SPECC1L: variants seen among roughly 807,000 people sequenced by gnomAD.
SPECC1L encodes cytospin-A.
SPECC1L carries 40 observed loss-of-function variants against 116.8 expected under a neutral mutation model. That is an observed-to-expected ratio of 0.34 (90% CI 0.27 to 0.45). SPECC1L has a LOEUF of 0.45. SPECC1L is among the 20% of genes least tolerant of loss of function. The pLI is 1.00. For missense variants in SPECC1L, 1,110 were observed against 1,373.6 expected, an observed-to-expected ratio of 0.81 and a Z score of 3.03; for synonymous variants, 504 against 500.6, an observed-to-expected ratio of 1.01 and a Z score of -0.09.
intron 3 of SPECC1L, among the ~76,000 whole-genome samples, chr22:24,311,104 T>C (rs562703923): frequency 6.6e-6 from 1 of 152,328 alleles, no homozygotes; most frequent in East Asian, 1.9e-4. Flanking sequence ...TTCACTAGTT[T>C]ATTCTTGTTC....
intron 14 of SPECC1L, among the ~76,000 whole-genome samples, chr22:24,406,957 T>A (rs2042604031): frequency 6.6e-6 from 1 of 152,182 alleles, no homozygotes; most frequent in African/African-American, 2.4e-5. Flanking sequence ...CTTCCTCACT[T>A]CCCTGGAGGA....
chr22:24,318,951 A>G (rs1035468476), intron 4 of SPECC1L, among the ~76,000 whole-genome samples: 2 of 150,016 alleles, frequency 1.3e-5, no homozygotes, highest in Non-Finnish European at 3.0e-5. Context: ...ATCTTTTTCC[A>G]TTTTTGGCCT....
chr22:24,340,991 T>C (rs1316094886), intron 10 of SPECC1L, among the ~76,000 whole-genome samples: 1 of 152,148 alleles, frequency 6.6e-6, no homozygotes, highest in Non-Finnish European at 1.5e-5. Context: ...CTGTGATCCC[T>C]GAACAAAAAT....
Position 24,320,326 on chromosome 22 carries a change from A to G in SPECC1L, c.308-962A>G, listed in dbSNP as rs142716205. 8.0e-4 allele frequency among the ~76,000 whole-genome samples: 122 copies of G among 152,350 alleles called. 1 individual carries two copies. The East Asian group carries it at 9.2e-3, about 12-fold the overall frequency. On this transcript the variant is annotated intron_variant, in intron 4 of 16. Coordinates refer to ENST00000314328, the MANE Select transcript of SPECC1L (RefSeq NM_015330.6). Reference sequence around the variant, plus strand: ...AAAAAAAACTTCCTGTTCTTTTTGTATTAAACAAATGATTGTGTCAGTTTT... The same window carrying G: ...AAAAAAAACTTCCTGTTCTTTTTGTGTTAAACAAATGATTGTGTCAGTTTT...
chr22:24,413,920 AGT>A (rs1450368531), intron 16 of SPECC1L, among the ~76,000 whole-genome samples: 3 of 148,980 alleles, frequency 2.0e-5, no homozygotes, highest in Non-Finnish European at 3.0e-5. Flanking sequence ...CAGCAGCAGC[AGT>A]GTGTCACTTT....
intron 2 of SPECC1L, among the ~76,000 whole-genome samples, chr22:24,280,380 G>A (rs2048918310): frequency 6.6e-6 from 1 of 151,278 alleles, no homozygotes; most frequent in South Asian, 2.1e-4. Flanking sequence ...CTGGGGTGAG[G>A]CAATTAGTTA....
chr22:24,380,027 C>T (rs572791509), intron 14 of SPECC1L, among the ~76,000 whole-genome samples: 6 of 152,260 alleles, frequency 3.9e-5, no homozygotes, highest in Non-Finnish European at 5.9e-5. Flanking sequence ...CCTGCCACCC[C>T]GCCCAGCTAA....
At chr22:24,299,691 A>G (rs565275447) in intron 2 of SPECC1L, among the ~76,000 whole-genome samples, 11 of 151,930 alleles carry the variant, frequency 7.2e-5, no homozygotes, top group African/African-American at 2.4e-4. Context: ...TAAGTTTAGG[A>G]AAAACTTATG....
intron 14 of SPECC1L, among the ~76,000 whole-genome samples, chr22:24,374,386 T>C (rs1298943329): frequency 6.6e-6 from 1 of 152,070 alleles, no homozygotes; most frequent in African/African-American, 2.4e-5. Flanking sequence ...TGCCCAAGAA[T>C]GATAGACTGG....
intron 3 of SPECC1L, among the ~76,000 whole-genome samples, chr22:24,303,764 G>A (rs1202711851): frequency 6.6e-6 from 1 of 151,868 alleles, no homozygotes; most frequent in Non-Finnish European, 1.5e-5. Context: ...CCACTGTAAA[G>A]CAAAACTGTA....
chr22:24,291,244 G>C (rs561493903), intron 2 of SPECC1L, among the ~76,000 whole-genome samples: 3 of 152,274 alleles, frequency 2.0e-5, no homozygotes, highest in African/African-American at 7.2e-5. Flanking sequence ...TCCGTGTTCT[G>C]AAAGTACAGA....
chr22:24,407,926 T>TTA (rs1387183680), intron 14 of SPECC1L, among the ~76,000 whole-genome samples: 1 of 152,202 alleles, frequency 6.6e-6, no homozygotes, highest in Non-Finnish European at 1.5e-5. Context: ...TAGGAAATCT[T>TTA]ACCTAGACAA....
Position 24,330,375 on chromosome 22 carries a change from G to A in SPECC1L, c.2340G>A (p.Glu780=), listed in dbSNP as rs746353845. ...EIGDLKRRLH[E]AQEKNEKLTK... is the part of the protein sequence containing the mutation. ...GTGATCTAAAGCGCCGGTTACATGA[G>A]GCTCAAGAAAAAAATGAGAAACTCA... Residue 780 remains glutamate, a synonymous_variant, in exon 8 of 17, where the codon GAG becomes GAA. Coordinates refer to ENST00000314328, the MANE Select transcript of SPECC1L (RefSeq NM_015330.6). The A allele has an allele frequency of 1.2e-6, 2 of 1,613,958 alleles. No homozygotes were observed. Among genetic ancestry groups the A allele is most frequent in the African/African-American group, 2.7e-5 (2 of 74,884 alleles).
chr22:24,277,922 G>C (rs1193828992), intron 2 of SPECC1L, among the ~76,000 whole-genome samples: 1 of 152,232 alleles, frequency 6.6e-6, no homozygotes, highest in Non-Finnish European at 1.5e-5. Flanking sequence ...GAATTGCTGG[G>C]TCGTGTAGTA....
chr22:24,347,077 T>A lies in SPECC1L; in HGVS notation c.2653-9T>A. On this transcript the variant is annotated splice_polypyrimidine_tract_variant and intron_variant, in intron 10 of 16. Coordinates refer to ENST00000314328, the MANE Select transcript of SPECC1L (RefSeq NM_015330.6). Reference sequence around the variant, plus strand: ...TTTAACTTTGATGTTGTTTATCTTATGATTTCAGAGACATTCCATAAGTGG... The same window carrying A: ...TTTAACTTTGATGTTGTTTATCTTAAGATTTCAGAGACATTCCATAAGTGG... 1 of 1,610,588 alleles carries A rather than the reference T, an allele frequency of 6.2e-7. No individual in the cohort carries two copies. Among genetic ancestry groups the A allele is most frequent in the Non-Finnish European group, 8.5e-7 (1 of 1,176,856 alleles).
At chr22:24,353,897 A>G (rs1206275280) in intron 11 of SPECC1L, among the ~76,000 whole-genome samples, 3 of 152,232 alleles carry the variant, frequency 2.0e-5, no homozygotes, top group East Asian at 3.8e-4. Flanking sequence ...GGATTGCTAT[A>G]AAGAAATACA....
At chr22:24,274,366 T>G (rs2048789547) in intron 1 of SPECC1L, among the ~76,000 whole-genome samples, 1 of 152,272 alleles carries the variant, frequency 6.6e-6, no homozygotes, top group South Asian at 2.1e-4. Flanking sequence ...GCTCTTCTAT[T>G]AATTTCAAGT....
chr22:24,368,992 T>C (rs1048018872), intron 13 of SPECC1L, among the ~76,000 whole-genome samples: 2 of 152,196 alleles, frequency 1.3e-5, no homozygotes, highest in Non-Finnish European at 2.9e-5. Context: ...CCACTTTCCA[T>C]GTGGGTGATT....
chr22:24,362,552 G>C (rs2041667005), intron 11 of SPECC1L, among the ~76,000 whole-genome samples: 3 of 152,148 alleles, frequency 2.0e-5, no homozygotes, highest in Admixed American at 2.0e-4. Flanking sequence ...GGTAATGAAG[G>C]TTTTCCTTAA....
Sources: allele counts gnomAD v4.1 joint callset (sites outside exome capture counted in the v4.1 genomes callset), GRCh38; gene constraint gnomAD v4.1.1; transcripts MANE v1.5; gene names NCBI Gene and HGNC (gene_info 2026-07-23, HGNC 2026-07-21).